The following ZNF385D variants were observed in gnomAD, a reference collection of about 807,000 sequenced individuals.
ZNF385D encodes zinc finger protein 385D.
A neutral mutation model predicts 35.8 loss-of-function variants in ZNF385D; 15 were observed. The ratio of observed to expected loss-of-function variants is 0.42; its 90% CI spans 0.28 to 0.64. ZNF385D has a LOEUF of 0.64. ZNF385D is among the 30% of genes least tolerant of loss of function. The pLI is 0.23. For synonymous variants in ZNF385D, 212 were observed against 186.8 expected, an observed-to-expected ratio of 1.13 and a Z score of -1.10; for missense variants, 474 against 494.6, an observed-to-expected ratio of 0.96 and a Z score of 0.39.
At chr3:22,068,934 C>T (rs1379740525) in intron 3 of ZNF385D, among the ~76,000 whole-genome samples, 1 of 152,170 alleles carries the variant, frequency 6.6e-6, no homozygotes, top group Non-Finnish European at 1.5e-5. Flanking sequence ...AGGATTGGTA[C>T]AGACACTTCC....
intron 2 of ZNF385D, among the ~76,000 whole-genome samples, chr3:22,244,096 G>A (rs896549805): frequency 1.3e-5 from 2 of 150,518 alleles, no homozygotes; most frequent in Non-Finnish European, 2.9e-5. Flanking sequence ...ATTTCCCCTT[G>A]AAGCCAATGA....
At chr3:21,790,928 G>A in intron 3 of ZNF385D, among the ~76,000 whole-genome samples, 1 of 151,946 alleles carries the variant, frequency 6.6e-6, no homozygotes, top group Non-Finnish European at 1.5e-5. Flanking sequence ...TGCTTCCTAA[G>A]TTGTCACATA....
intron 4 of ZNF385D, among the ~76,000 whole-genome samples, chr3:21,489,581 A>G (rs1271980340): frequency 6.6e-6 from 1 of 152,038 alleles, no homozygotes; most frequent in Non-Finnish European, 1.5e-5. Flanking sequence ...CTATTTTTAG[A>G]CATGTGATGT....
chr3:21,642,392 G>T (rs759536265), intron 2 of ZNF385D, among the ~76,000 whole-genome samples: 38 of 151,954 alleles, frequency 2.5e-4, no homozygotes, highest in Non-Finnish European at 4.6e-4. Flanking sequence ...AAAAAACCTC[G>T]AGTATCACCC....
chr3:21,929,049 T>G (rs1407199449), intron 3 of ZNF385D, among the ~76,000 whole-genome samples: 1 of 152,036 alleles, frequency 6.6e-6, no homozygotes, highest in African/African-American at 2.4e-5. Context: ...ATTCAATATC[T>G]CTCATAAATA....
intron 3 of ZNF385D, among the ~76,000 whole-genome samples, chr3:21,915,240 C>T (rs186257913): frequency 6.6e-6 from 1 of 152,094 alleles, no homozygotes; most frequent in African/African-American, 2.4e-5. Flanking sequence ...GCTTATATTT[C>T]ATTAAAATTC....
At chr3:22,345,743 C>A (rs1460095887) in intron 2 of ZNF385D, among the ~76,000 whole-genome samples, 2 of 152,184 alleles carry the variant, frequency 1.3e-5, no homozygotes, top group South Asian at 4.1e-4. Context: ...GTGCTACTGG[C>A]TGATACATTC....
intron 4 of ZNF385D, among the ~76,000 whole-genome samples, chr3:21,504,222 A>G (rs1254030047): frequency 6.6e-6 from 1 of 152,140 alleles, no homozygotes; most frequent in Non-Finnish European, 1.5e-5. Flanking sequence ...AGAAATGTCA[A>G]GTGTTCTTTA....
At chr3:22,080,755 G>C (rs1238554218) in intron 3 of ZNF385D, among the ~76,000 whole-genome samples, 1 of 151,986 alleles carries the variant, frequency 6.6e-6, no homozygotes, top group Non-Finnish European at 1.5e-5. Flanking sequence ...CCTTTGGGGG[G>C]CAATTAGATT....
At chr3:21,636,354 T>A (rs1232866428) in intron 2 of ZNF385D, among the ~76,000 whole-genome samples, 1 of 109,800 alleles carries the variant, frequency 9.1e-6, no homozygotes, top group South Asian at 2.8e-4. Flanking sequence ...ATATATATGA[T>A]TATATATGAT....
intron 1 of ZNF385D, among the ~76,000 whole-genome samples, chr3:21,714,170 C>T (rs919662845): frequency 4.6e-5 from 7 of 151,290 alleles, no homozygotes; most frequent in African/African-American, 1.7e-4. Context: ...ATAATAACTG[C>T]TCTCAATTAA....
chr3:21,715,961 A>C (rs958689698), intron 1 of ZNF385D, among the ~76,000 whole-genome samples: 1 of 152,164 alleles, frequency 6.6e-6, no homozygotes, highest in Non-Finnish European at 1.5e-5. Flanking sequence ...TGTTTCTCTC[A>C]AAATCATCTT....
chr3:21,765,363 C>G (rs1035521481), intron 3 of ZNF385D, among the ~76,000 whole-genome samples: 1 of 152,052 alleles, frequency 6.6e-6, no homozygotes, highest in African/African-American at 2.4e-5. Flanking sequence ...AAGCCATTCT[C>G]CTCTCTGGGG....
At position 22,015,465 on chromosome 3, in the gene ZNF385D, A is replaced by C. The variant is rs183357633; in HGVS notation, c.325+153352T>G. ...TCCTTCCTTGCCACCATCCTTGGGC[A>C]GCCCCACAGCTCACTGTCATTCATT... On this transcript the variant is annotated intron_variant, in intron 3 of 5. Coordinates refer to the ZNF385D transcript ENST00000494108. 3.2e-3 allele frequency among the ~76,000 whole-genome samples: 482 copies of C among 152,210 alleles called. 4 individuals are homozygous for C. The highest frequency in any genetic ancestry group is 6.8e-3 in the Middle Eastern group (2 of 294).
chr3:21,726,840 C>T (rs866687066), intron 1 of ZNF385D, among the ~76,000 whole-genome samples: 4 of 152,034 alleles, frequency 2.6e-5, no homozygotes, highest in Admixed American at 1.3e-4. Flanking sequence ...TCATATGGAA[C>T]CAAAAAAGAG....
intron 3 of ZNF385D, among the ~76,000 whole-genome samples, chr3:22,048,085 GTTAT>G (rs1233350708): frequency 6.6e-6 from 1 of 151,794 alleles, no homozygotes; most frequent in South Asian, 2.1e-4. Flanking sequence ...TCTTAATCAG[GTTAT>G]TTGTTTACTT....
chr3:21,987,625 G>C (rs1467501585), intron 3 of ZNF385D, among the ~76,000 whole-genome samples: 1 of 137,696 alleles, frequency 7.3e-6, no homozygotes, highest in Non-Finnish European at 1.5e-5. Context: ...TTCAACTTTG[G>C]TGAATCTGAC....
intron 3 of ZNF385D, among the ~76,000 whole-genome samples, chr3:22,063,036 T>A (rs967734710): frequency 6.6e-6 from 1 of 152,184 alleles, no homozygotes; most frequent in African/African-American, 2.4e-5. Context: ...GGATAATTTT[T>A]TTTTATTTAA....
At chr3:21,564,708 A>G in intron 2 of ZNF385D, 24 bp from the exon 3 acceptor site, 2 of 1,420,832 alleles carry the variant, frequency 1.4e-6, no homozygotes, top group Non-Finnish European at 9.6e-7. Context: ...AAAGAAATAC[A>G]ACAAATAGAA....
Sources: allele counts gnomAD v4.1 joint callset (sites outside exome capture counted in the v4.1 genomes callset), GRCh38; gene constraint gnomAD v4.1.1; transcripts MANE v1.5; gene names NCBI Gene and HGNC (gene_info 2026-07-23, HGNC 2026-07-21).